The following NR6A1 variants were observed in gnomAD, a reference collection of about 807,000 sequenced individuals.
NR6A1 encodes the protein nuclear receptor subfamily 6 group A member 1, also known as retinoic acid receptor-related testis-associated receptor.
A neutral mutation model predicts 59.1 loss-of-function variants in NR6A1; 7 were observed. The observed-to-expected ratio is 0.12, with a 90% CI of 0.07 to 0.22. NR6A1 has a LOEUF of 0.22. Ranked by LOEUF, NR6A1 falls within the 10% of genes least tolerant of loss-of-function variation. The pLI is 1.00. For synonymous variants in NR6A1, 243 were observed against 236.1 expected (o/e 1.03, Z -0.27); for missense variants, 468 against 611.6 (o/e 0.77, Z 2.48).
intron 2 of NR6A1, chr9:124,599,693 T>G: frequency 1.4e-6 from 1 of 711,912 alleles, no homozygotes; most frequent in Non-Finnish European, 1.9e-6. Context: ...GTCCAAATTA[T>G]GAATGGCAGA....
At chr9:124,526,734 G>A (rs761435251) in intron 8 of NR6A1, 45 bp downstream of exon 8, 9 of 1,606,758 alleles carry the variant, frequency 5.6e-6, no homozygotes, top group Middle Eastern at 1.7e-4. Flanking sequence ...CTCACTGCCT[G>A]CCTCCCGCAC....
rs1837845150 is a variant in NR6A1, at chr9:124,673,101, T to A, written c.142+60207A>T. 2.0e-5 allele frequency among the ~76,000 whole-genome samples: 3 copies of A among 152,122 alleles called. No homozygotes were observed. In the South Asian group the frequency reaches 6.2e-4, roughly 32 times the overall value. On this transcript the variant is annotated intron_variant, in intron 2 of 9. Coordinates refer to ENST00000487099, the MANE Select transcript of NR6A1 (RefSeq NM_033334.4). ...CTTTGAGAGGCCAAGGCTAGCGGAT[T>A]GCTTGAGCCCAGGAGTTTGAGATCA...
At chr9:124,766,116 T>A (rs537599268) in intron 1 of NR6A1, among the ~76,000 whole-genome samples, 10 of 152,326 alleles carry the variant, frequency 6.6e-5, no homozygotes, top group Middle Eastern at 3.4e-3. Flanking sequence ...ATCTGAAACT[T>A]AAGCTCTAAA....
chr9:124,745,311 T>C (rs183152354), intron 1 of NR6A1, among the ~76,000 whole-genome samples: 48 of 152,046 alleles, frequency 3.2e-4, no homozygotes, highest in African/African-American at 1.1e-3. Context: ...TTAGTATAAC[T>C]AATTTTTCTT....
intron 1 of NR6A1, among the ~76,000 whole-genome samples, chr9:124,753,815 C>T (rs1840570112): frequency 2.0e-5 from 3 of 152,152 alleles, no homozygotes; most frequent in African/African-American, 7.2e-5. Context: ...TCTAATACTT[C>T]CCACTAAGAA....
rs1837416821 is a variant in NR6A1 at position 124,660,991 on chromosome 9, A to T, written c.142+72317T>A. On this transcript the variant is annotated intron_variant, in intron 2 of 9. Transcript: ENST00000487099. ...AAAGAAAATAATTAAATACATCAAA[A>T]CTCGAGGGACATTAATTTCTCTCCA... is the stretch of plus-strand genomic sequence containing the variant. Among the ~76,000 whole-genome samples, 3 of 152,224 alleles carry T rather than the reference A, an allele frequency of 2.0e-5. 1 individual carries two copies. The South Asian group carries it at 6.2e-4, about 32-fold the overall frequency.
chr9:124,538,221 T>C lies in NR6A1; in HGVS notation c.695A>G (p.Tyr232Cys), dbSNP rs747231208. Residue 232 changes from tyrosine (Y) to cysteine (C), a missense_variant, in exon 6 of 10, where the codon TAT becomes TGT. Tyr to Cys is a radical substitution (Grantham distance 194). Around this residue, in one of 4 missense-constraint regions of NR6A1, gnomAD observed 151 missense variants for 142.8 expected, o/e 1.06. Coordinates refer to ENST00000487099, the MANE Select transcript of NR6A1 (RefSeq NM_033334.4). ...GGGCAGAAGTGGTGAGTGGCCAGAA[T>C]AGCTAAAAAGGTGCGGTATATATTG... Reference protein sequence around the residue: ...HYQYIPHLFSYSGHSPLLPQQ... With the variant: ...HYQYIPHLFSCSGHSPLLPQQ... 6.2e-7 allele frequency: 1 copy of C among 1,614,092 alleles called. No homozygotes were observed. Among genetic ancestry groups the C allele is most frequent in the South Asian group, 1.1e-5 (1 of 91,064 alleles).
chr9:124,622,115 C>T (rs879424272), intron 2 of NR6A1, among the ~76,000 whole-genome samples: 7 of 152,152 alleles, frequency 4.6e-5, no homozygotes. Flanking sequence ...ACTTCGCAGG[C>T]TGAGGTGAGA....
At chr9:124,535,415 T>G (rs1316316181) in intron 7 of NR6A1, among the ~76,000 whole-genome samples, 1 of 151,692 alleles carries the variant, frequency 6.6e-6, no homozygotes, top group African/African-American at 2.4e-5. Context: ...TCGTCTCTAC[T>G]AAAAATACAA....
chr9:124,731,992 T>C (rs541964619), intron 2 of NR6A1, among the ~76,000 whole-genome samples: 5 of 152,342 alleles, frequency 3.3e-5, no homozygotes, highest in African/African-American at 1.2e-4. Context: ...GGGGCTATAC[T>C]ATCTAATACA....
intron 1 of NR6A1, among the ~76,000 whole-genome samples, chr9:124,735,000 A>T (rs1475036678): frequency 6.6e-6 from 1 of 152,142 alleles, no homozygotes; most frequent in African/African-American, 2.4e-5. Flanking sequence ...ACCTGCCACC[A>T]TGCCCAGCTA....
intron 3 of NR6A1, 126 bp from the exon 4 acceptor site, chr9:124,543,983 G>A: frequency 1.4e-6 from 1 of 722,496 alleles, no homozygotes; most frequent in Non-Finnish European, 2.3e-6. Flanking sequence ...TAAAACACAG[G>A]TCCTTCTGGA....
chr9:124,771,093 G>C lies in NR6A1; in HGVS notation c.27C>G (p.Ser9Arg). 5.7e-6 allele frequency: 7 copies of C among 1,230,192 alleles called. No individual in the cohort carries two copies. The highest frequency in any genetic ancestry group is 7.1e-6 in the Non-Finnish European group (7 of 986,714). 76.2% of individuals were successfully genotyped at this position (1,230,192 alleles called of 1,614,324 possible). Residue 9 changes from serine to arginine, a missense_variant, in exon 1 of 10, where the codon AGC becomes AGG. Around this residue, in one of 4 missense-constraint regions of NR6A1, gnomAD observed 75 missense variants for 65.6 expected, o/e 1.14. Coordinates refer to ENST00000487099, the MANE Select transcript of NR6A1 (RefSeq NM_033334.4). The part of the protein sequence containing the change: MERDEPPP[S>R]GGGGGGGSAG... ...CCGAGCCCCCGCCGCCTCCCCCTCC[G>C]CTAGGCGGCGGTTCGTCCCGCTCCA...
intron 2 of NR6A1, among the ~76,000 whole-genome samples, chr9:124,619,156 C>T (rs144071551): frequency 1.3e-5 from 2 of 152,196 alleles, no homozygotes; most frequent in African/African-American, 4.8e-5. Flanking sequence ...TTAACGCAAC[C>T]ATTCGTTAAA....
At chr9:124,565,034 T>C (rs1320088327) in intron 2 of NR6A1, among the ~76,000 whole-genome samples, 1 of 152,194 alleles carries the variant, frequency 6.6e-6, no homozygotes, top group African/African-American at 2.4e-5. Flanking sequence ...CCAATTCTAC[T>C]ATAATTTAAG....
chr9:124,627,792 C>T (rs1274498730), intron 2 of NR6A1, among the ~76,000 whole-genome samples: 1 of 151,322 alleles, frequency 6.6e-6, no homozygotes, highest in Non-Finnish European at 1.5e-5. Context: ...AAGCTGGTCT[C>T]GAACTCCTGG....
At chr9:124,611,735 G>A (rs1835748880) in intron 2 of NR6A1, among the ~76,000 whole-genome samples, 1 of 149,914 alleles carries the variant, frequency 6.7e-6, no homozygotes, top group Non-Finnish European at 1.5e-5. Context: ...GCACAACAGA[G>A]TGAGACCCTG....
chr9:124,742,125 GT>G (rs1435154403), intron 1 of NR6A1, among the ~76,000 whole-genome samples: 6 of 152,198 alleles, frequency 3.9e-5, no homozygotes, highest in African/African-American at 1.2e-4. Flanking sequence ...TACATGAAGA[GT>G]TTTTGGTTTT....
chr9:124,595,661 C>T, intron 2 of NR6A1: 1 of 572,210 alleles, frequency 1.7e-6, no homozygotes, highest in Non-Finnish European at 3.0e-6. Flanking sequence ...TGCCTGTGGA[C>T]TGCCTCCCTT....
Sources: gnomAD v4.1 joint callset for allele counts (sites outside exome capture counted in the v4.1 genomes callset) on GRCh38, gnomAD v4.1.1 for gene constraint, gnomAD v4.1.1 regional missense constraint, MANE v1.5 for transcripts, NCBI Gene and HGNC (gene_info 2026-07-23, HGNC 2026-07-21) for gene names.